Variants in VGLL3 observed in about 807,000 individuals in gnomAD.
VGLL3 encodes the protein transcription cofactor vestigial-like protein 3.
A neutral mutation model predicts 29.2 loss-of-function variants in VGLL3; 18 were observed. That is an observed-to-expected ratio of 0.62 (90% confidence interval 0.43 to 0.91). The LOEUF (loss-of-function observed/expected upper bound fraction) is 0.91, where lower values mean the gene tolerates loss of function less well. Among genes scored for constraint, VGLL3 ranks in the 40% least tolerant of loss-of-function variants. The probability of loss-of-function intolerance (pLI) is 0.00; values close to 1 mark genes in which losing one functional copy is unlikely to be tolerated. For missense variants in VGLL3, 440 were observed against 413.2 expected, an observed-to-expected ratio of 1.06 and a Z score of -0.56; for synonymous variants, 180 against 151.8, an observed-to-expected ratio of 1.19 and a Z score of -1.36.
chr3:86,949,751 C>A (rs1386006131), intron 3 of VGLL3, among the ~76,000 whole-genome samples: 1 of 148,694 alleles, frequency 6.7e-6, no homozygotes, highest in African/African-American at 2.5e-5. Context: ...GGCGTGAACC[C>A]GGGAGGCAGA....
In VGLL3 at chr3:86,956,724, G is replaced by T. The variant is rs372776842; in HGVS notation, c.938-9657C>A. On this transcript the variant is annotated intron_variant, in intron 3 of 3. Transcript: ENST00000398399. ...GGCCTGAACCCGGGAAGCGGAGCTT[G>T]CAGTGAGCCGAGATCGCGCCACTGC... Among the ~76,000 whole-genome samples the T allele has an allele frequency of 1.8e-3, 274 of 149,332 alleles. 1 individual carries two copies. The highest frequency in any genetic ancestry group is 6.5e-3 in the African/African-American group (264 of 40,512).
intron 1 of VGLL3, among the ~76,000 whole-genome samples, chr3:86,983,755 TTA>T (rs2107064615): frequency 6.6e-6 from 1 of 152,200 alleles, no homozygotes; most frequent in East Asian, 1.9e-4. Context: ...ATAGGTCAAG[TTA>T]TATGAGGTTG....
chr3:86,952,763 TAAATAC>T (rs1704641212), intron 3 of VGLL3, among the ~76,000 whole-genome samples: 1 of 152,174 alleles, frequency 6.6e-6, no homozygotes, highest in South Asian at 2.1e-4. Context: ...ATTACAAAGT[TAAATAC>T]ATACAACACT....
chr3:86,983,867 G>A (rs1319516305), intron 1 of VGLL3, among the ~76,000 whole-genome samples: 1 of 152,170 alleles, frequency 6.6e-6, no homozygotes, highest in African/African-American at 2.4e-5. Context: ...GTATTCCCAA[G>A]TAATAAGTTA....
intron 2 of VGLL3, among the ~76,000 whole-genome samples, chr3:86,970,422 T>TG (rs1575872085): frequency 1.3e-5 from 2 of 150,860 alleles, no homozygotes. Flanking sequence ...GGGCTAGCCC[T>TG]GGGAAGTAAG....
At chr3:86,960,405 T>C (rs1704813051) in intron 3 of VGLL3, among the ~76,000 whole-genome samples, 1 of 152,260 alleles carries the variant, frequency 6.6e-6, no homozygotes, top group Admixed American at 6.5e-5. Flanking sequence ...CCTGACTTCC[T>C]CTGTAGTACC....
At chr3:86,979,585 G>A (rs1294211773) in intron 1 of VGLL3, among the ~76,000 whole-genome samples, 2 of 151,984 alleles carry the variant, frequency 1.3e-5, no homozygotes, top group Admixed American at 6.6e-5. Context: ...TTTCAGACAT[G>A]TTTCTAAAAC....
chr3:86,985,278 C>A (rs1026052619), intron 1 of VGLL3, among the ~76,000 whole-genome samples: 5 of 152,118 alleles, frequency 3.3e-5, no homozygotes, highest in African/African-American at 7.2e-5. Flanking sequence ...GGTCATCTAG[C>A]CCAATTCCTA....
chr3:86,989,082 C>CA (rs1014192310), intron 1 of VGLL3, among the ~76,000 whole-genome samples: 12 of 151,450 alleles, frequency 7.9e-5, no homozygotes, highest in Admixed American at 1.3e-4. Context: ...TTTTCTAGCT[C>CA]AAAAAAAAGT....
At chr3:86,949,719 C>T (rs556889649) in intron 3 of VGLL3, among the ~76,000 whole-genome samples, 27 of 150,270 alleles carry the variant, frequency 1.8e-4, no homozygotes, top group Admixed American at 4.0e-4. Flanking sequence ...CCCAGCTACT[C>T]GGGAGGCTGA....
At chr3:86,987,871 A>G (rs1255982584) in intron 1 of VGLL3, among the ~76,000 whole-genome samples, 1 of 152,318 alleles carries the variant, frequency 6.6e-6, no homozygotes, top group East Asian at 1.9e-4. Context: ...ACAACATGCA[A>G]TATGTTCAAC....
chr3:86,988,514 T>C (rs1222084710), intron 1 of VGLL3, among the ~76,000 whole-genome samples: 1 of 151,218 alleles, frequency 6.6e-6, no homozygotes, highest in Admixed American at 6.6e-5. Flanking sequence ...ATTTACTCTC[T>C]TTTCCAATAG....
chr3:86,951,366 T>C (rs1478999511), intron 3 of VGLL3, among the ~76,000 whole-genome samples: 1 of 152,178 alleles, frequency 6.6e-6, no homozygotes, highest in African/African-American at 2.4e-5. Context: ...CCTTCTACTG[T>C]GTGATCACCT....
rs1279140412 is a variant in VGLL3, at chr3:86,942,211, AC to A, written c.*4812del. ...GAGTTTCTAGGAGCCTCTCCATTAA[AC>A]TGGCAGGCTGATTTCATTTCTGATC... On this transcript the variant is annotated 3_prime_UTR_variant, in exon 4 of 4. Transcript: ENST00000398399. 1 of 152,108 alleles carries A rather than the reference AC, an allele frequency of 6.6e-6. No homozygotes were observed. The highest frequency in any genetic ancestry group is 1.5e-5 in the Non-Finnish European group (1 of 68,012). The allele number at this position is 152,108 out of a possible 1,614,324, so 9.4% of individuals were successfully genotyped here. A position where few individuals can be genotyped will look rare whatever the true frequency, so the allele number is the denominator to read the frequency against.
At chr3:86,948,983 AT>A (rs1172827459) in intron 3 of VGLL3, among the ~76,000 whole-genome samples, 3 of 152,256 alleles carry the variant, frequency 2.0e-5, no homozygotes, top group African/African-American at 4.8e-5. Flanking sequence ...CTATATAAAT[AT>A]TTTTTTAATT....
chr3:86,959,414 T>G (rs1704792077), intron 3 of VGLL3, among the ~76,000 whole-genome samples: 1 of 152,188 alleles, frequency 6.6e-6, no homozygotes. Flanking sequence ...AGATGGCTAA[T>G]GTATGCTCCC....
chr3:86,961,388 C>T (rs1704834876), intron 3 of VGLL3, among the ~76,000 whole-genome samples: 1 of 152,126 alleles, frequency 6.6e-6, no homozygotes, highest in South Asian at 2.1e-4. Flanking sequence ...GTATGTCTTA[C>T]ATTAGGTAAA....
At chr3:86,959,821 T>G (rs1704801293) in intron 3 of VGLL3, among the ~76,000 whole-genome samples, 1 of 152,128 alleles carries the variant, frequency 6.6e-6, no homozygotes, top group South Asian at 2.1e-4. Context: ...TGTAGAACTT[T>G]CCTGCAACTA....
intron 3 of VGLL3, among the ~76,000 whole-genome samples, chr3:86,955,594 T>C (rs1704705496): frequency 6.6e-6 from 1 of 152,096 alleles, no homozygotes; most frequent in Non-Finnish European, 1.5e-5. Context: ...TTTCACCATG[T>C]TGTCCAGGCT....
Sources: allele counts gnomAD v4.1 joint callset (sites outside exome capture counted in the v4.1 genomes callset), GRCh38; gene constraint gnomAD v4.1.1; transcripts MANE v1.5; gene names NCBI Gene and HGNC (gene_info 2026-07-23, HGNC 2026-07-21).